Variants in FGFR2 observed in about 807,000 individuals in gnomAD.
FGFR2 encodes BEK fibroblast growth factor receptor.
In FGFR2, 19 loss-of-function variants were observed where a neutral mutation model predicts 95.9. The observed-to-expected ratio is 0.20, with a 90% CI of 0.14 to 0.29. FGFR2 has a LOEUF of 0.29. Among genes scored for constraint, FGFR2 ranks in the 10% least tolerant of loss-of-function variants. FGFR2 has a pLI of 1.00. For missense variants in FGFR2, 707 were observed against 1,056.9 expected (o/e 0.67, Z 4.59); for synonymous variants, 392 against 393.3 (o/e 1.00, Z 0.04).
chr10:121,523,805 A>G (rs1850903059), intron 6 of FGFR2, among the ~76,000 whole-genome samples: 1 of 152,362 alleles, frequency 6.6e-6, no homozygotes, highest in African/African-American at 2.4e-5. Context: ...CTTAAATGTC[A>G]TAAGCCAGAT....
At chr10:121,508,933 C>T (rs546993638) in intron 9 of FGFR2, among the ~76,000 whole-genome samples, 2 of 152,348 alleles carry the variant, frequency 1.3e-5, no homozygotes, top group South Asian at 2.1e-4. Flanking sequence ...ACTCCAAGAG[C>T]GAGCCTGTGT....
At chr10:121,510,570 T>A (rs2134162981) in intron 9 of FGFR2, among the ~76,000 whole-genome samples, 1 of 152,000 alleles carries the variant, frequency 6.6e-6, no homozygotes, top group African/African-American at 2.4e-5. Context: ...CTTCTGGGAG[T>A]AGAACATCCA....
intron 5 of FGFR2, 38 bp downstream of exon 5, chr10:121,551,252 A>C: frequency 3.1e-6 from 5 of 1,610,758 alleles, no homozygotes; most frequent in Non-Finnish European, 4.2e-6. Context: ...AATAAACAAA[A>C]ATGTAAGAAA....
intron 4 of FGFR2, among the ~76,000 whole-genome samples, chr10:121,562,407 C>A (rs1194881646): frequency 2.0e-5 from 3 of 152,000 alleles, no homozygotes; most frequent in Non-Finnish European, 4.4e-5. Flanking sequence ...GCCTCAGCCT[C>A]CCGAGTAGCT....
Position 121,479,687 on chromosome 10 carries a change from GT to G in FGFR2, c.*169del. On this transcript the variant is annotated 3_prime_UTR_variant, in exon 18 of 18. Transcript: ENST00000358487. ...CTTCTCCTCCTGGGGAAGATTACAA[GT>G]TTTCAACTGTATAAATCTTTACACA... The G allele has an allele frequency of 6.4e-7, 1 of 1,565,038 alleles. No individual in the cohort carries two copies.
At chr10:121,493,499 CTGAAGCTCCCA>C (rs1172076810) in intron 13 of FGFR2, among the ~76,000 whole-genome samples, 4 of 152,192 alleles carry the variant, frequency 2.6e-5, no homozygotes, top group Non-Finnish European at 4.4e-5. Flanking sequence ...CCCCTCCTTC[CTGAAGCTCCCA>C]TGTGGGGCCT....
At chr10:121,583,859 TGGA>T (rs1052899810) in intron 2 of FGFR2, among the ~76,000 whole-genome samples, 4 of 152,082 alleles carry the variant, frequency 2.6e-5, no homozygotes, top group African/African-American at 9.7e-5. Flanking sequence ...GATGAGGTCC[TGGA>T]GGAGTCACTT....
At chr10:121,542,951 T>C (rs569811553) in intron 5 of FGFR2, among the ~76,000 whole-genome samples, 21 of 152,242 alleles carry the variant, frequency 1.4e-4, no homozygotes, top group South Asian at 1.0e-3. Flanking sequence ...ACCTTCCACA[T>C]TGCAAAAAAA....
intron 12 of FGFR2, among the ~76,000 whole-genome samples, 181 bp from the exon 13 acceptor site, chr10:121,496,903 G>A (rs1425883245): frequency 6.6e-6 from 1 of 151,520 alleles, no homozygotes; most frequent in East Asian, 1.9e-4. Flanking sequence ...GGCCGAGGCA[G>A]GTGGATCACA....
chr10:121,590,090 C>G (rs1564748371), intron 2 of FGFR2, among the ~76,000 whole-genome samples: 1 of 152,050 alleles, frequency 6.6e-6, no homozygotes. Context: ...TCTGGACCAA[C>G]TCACGTTGGT....
At chr10:121,522,955 A>G (rs1433248058) in intron 6 of FGFR2, among the ~76,000 whole-genome samples, 1 of 152,248 alleles carries the variant, frequency 6.6e-6, no homozygotes, top group Non-Finnish European at 1.5e-5. Flanking sequence ...ACAGCAAATT[A>G]GAACAATAGA....
rs371395564 is a variant in FGFR2, at chr10:121,496,577, G to C, written c.1818C>G (p.Cys606Trp). The change falls in exon 13 of 18, where the codon TGC becomes TGG. Residue 606 changes from cysteine (C) to tryptophan (W), a missense_variant. Transcript: ENST00000358487. ...CCATGCCTCTGGCCAGCTGGTAGGTGCATGACACCAAGTCCTTGAAGGTCA... is the reference window on the plus strand; with the variant it reads ...CCATGCCTCTGGCCAGCTGGTAGGTCCATGACACCAAGTCCTTGAAGGTCA... ...EQMTFKDLVS[C>W]TYQLARGMEY... The C allele has an allele frequency of 1.2e-6, 2 of 1,613,826 alleles. No homozygotes were observed. The highest frequency in any genetic ancestry group is 1.7e-6 in the Non-Finnish European group (2 of 1,180,030).
rs1226004824 is a variant in FGFR2, at chr10:121,531,488, T to A, written c.748+7104A>T. 6.6e-6 allele frequency among the ~76,000 whole-genome samples: 1 copy of A among 152,224 alleles called. No individual in the cohort carries two copies. Among genetic ancestry groups the A allele is most frequent in the Non-Finnish European group, 1.5e-5 (1 of 68,048 alleles). ...TCTATCCTGGAGGAAAGGACAGGAC[T>A]GACCCCTCCTTTCATCAGGATGGGC... is the stretch of plus-strand genomic sequence containing the variant. On this transcript the variant is annotated intron_variant, in intron 6 of 17. Transcript: ENST00000358487. The surrounding 1 kb of genome is among the most constrained non-coding windows in gnomAD (Gnocchi z 4.5).
At position 121,479,966 on chromosome 10, in the gene FGFR2, G is replaced by C. The variant is rs1476013209; in HGVS notation, c.2357C>G (p.Thr786Arg). The change falls in exon 18 of 18, where the codon ACA becomes AGA. Residue 786 changes from threonine (T) to arginine (R), a missense_variant. Transcript: ENST00000358487. Reference sequence around the variant, plus strand: ...ATCTCCTGAAGAACAAGAACTTCTTGTGTCAGGGTAACTAGGTGAATACTG... The same window carrying C: ...ATCTCCTGAAGAACAAGAACTTCTTCTGTCAGGGTAACTAGGTGAATACTG... ...LEQYSPSYPD[T>R]RSSCSSGDDS... 1 of 1,614,224 alleles carries C rather than the reference G, an allele frequency of 6.2e-7. No individual in the cohort carries two copies. Among genetic ancestry groups the C allele is most frequent in the South Asian group, 1.1e-5 (1 of 91,084 alleles).
chr10:121,579,609 A>C (rs1201112559), intron 2 of FGFR2, among the ~76,000 whole-genome samples: 1 of 152,144 alleles, frequency 6.6e-6, no homozygotes, highest in Non-Finnish European at 1.5e-5. Context: ...TCTACTATTC[A>C]TCCATCCAAC....
chr10:121,558,603 G>GTTTT (rs200830608), intron 4 of FGFR2, among the ~76,000 whole-genome samples: 9 of 148,348 alleles, frequency 6.1e-5, no homozygotes, highest in African/African-American at 2.1e-4. Context: ...AATAGATACA[G>GTTTT]TTTTTTGTTT....
intron 17 of FGFR2, 144 bp from the exon 18 acceptor site, chr10:121,480,165 T>C: frequency 1.1e-6 from 1 of 944,144 alleles, no homozygotes; most frequent in South Asian, 1.3e-5. Flanking sequence ...TCTTGAGATG[T>C]GGGTATTGGA....
At chr10:121,483,553 T>C (rs960228842) in intron 17 of FGFR2, 145 bp downstream of exon 17, 42 of 671,972 alleles carry the variant, frequency 6.3e-5, no homozygotes, top group Admixed American at 1.8e-4. Context: ...GAGGAACCCA[T>C]AGTTGAACTA....
At chr10:121,525,624 GGAGA>G (rs3035990) in intron 6 of FGFR2, among the ~76,000 whole-genome samples, 133,370 of 149,300 alleles carry the variant, frequency 0.89, 61,259 homozygotes, top group South Asian at 0.99. Context: ...CATTATTGAG[GGAGA>G]GAGAGAGAGA....
Sources: gnomAD v4.1 joint callset for allele counts (sites outside exome capture counted in the v4.1 genomes callset) on GRCh38, gnomAD v4.1.1 for gene constraint, Gnocchi (gnomAD v3.1) non-coding constraint, MANE v1.5 for transcripts, NCBI Gene and HGNC (gene_info 2026-07-23, HGNC 2026-07-21) for gene names.